NRXN1: variants seen among roughly 807,000 people sequenced by gnomAD.
NRXN1 encodes the protein neurexin 1, also known as neurexin-1.
NRXN1 carries 39 observed loss-of-function variants against 150.9 expected under a neutral mutation model. The ratio of observed to expected loss-of-function variants is 0.26; its 90% CI spans 0.20 to 0.34. The LOEUF (loss-of-function observed/expected upper bound fraction) is 0.34, where lower values mean the gene tolerates loss of function less well. Among genes scored for constraint, NRXN1 ranks in the 10% least tolerant of loss-of-function variants. The pLI, the probability that NRXN1 is intolerant of heterozygous loss-of-function variation, is 1.00. For missense variants in NRXN1, 1,815 were observed against 1,949.9 expected (o/e 0.93, Z 1.30); for synonymous variants, 924 against 757.0 (o/e 1.22, Z -3.62).
In NRXN1 at chr2:50,299,646, T is replaced by A. The variant is rs556284736; in HGVS notation, c.3365-62676A>T. On this transcript the variant is annotated intron_variant, in intron 17 of 22. Coordinates refer to ENST00000401669, the MANE Select transcript of NRXN1 (RefSeq NM_001330078.2). ...GTATAAATATCAAGCCCTTGTTTTG[T>A]CTGAACTTTTTATTATTCAAATTGT... is the stretch of plus-strand genomic sequence containing the variant. 1.1e-3 allele frequency among the ~76,000 whole-genome samples: 171 copies of A among 152,314 alleles called. 1 individual carries two copies. The highest frequency in any genetic ancestry group is 2.1e-3 in the Non-Finnish European group (141 of 68,018).
At chr2:50,524,561 C>A (rs535193280) in intron 12 of NRXN1, among the ~76,000 whole-genome samples, 3 of 151,522 alleles carry the variant, frequency 2.0e-5, no homozygotes, top group African/African-American at 7.3e-5. Flanking sequence ...TTCCAGTGAA[C>A]AAGAAGGTCA....
intron 5 of NRXN1, among the ~76,000 whole-genome samples, chr2:50,673,884 C>T (rs1419762967): frequency 1.3e-5 from 2 of 152,038 alleles, no homozygotes; most frequent in Non-Finnish European, 2.9e-5. Flanking sequence ...ACTTCATGTC[C>T]TTTGCAGGGA....
At chr2:50,925,265 C>T (rs1384847114) in intron 3 of NRXN1, among the ~76,000 whole-genome samples, 1 of 151,676 alleles carries the variant, frequency 6.6e-6, no homozygotes, top group Admixed American at 6.6e-5. Context: ...TTGCTGGATT[C>T]TACAGGAAAA....
chr2:50,775,323 T>A (rs1277275720), intron 5 of NRXN1, among the ~76,000 whole-genome samples: 1 of 152,108 alleles, frequency 6.6e-6, no homozygotes, highest in Non-Finnish European at 1.5e-5. Flanking sequence ...CAACACTGTA[T>A]TTTCCTTGCT....
chr2:50,512,199 G>T (rs188449181), intron 12 of NRXN1, among the ~76,000 whole-genome samples: 1 of 152,120 alleles, frequency 6.6e-6, no homozygotes, highest in African/African-American at 2.4e-5. Flanking sequence ...AATGGTGCAA[G>T]CTTTTTATTT....
At chr2:49,942,798 C>T (rs754653036) in intron 22 of NRXN1, among the ~76,000 whole-genome samples, 12 of 152,020 alleles carry the variant, frequency 7.9e-5, no homozygotes, top group Non-Finnish European at 2.9e-5. Context: ...TTGGCAGGGA[C>T]AGGGTTTTGG....
chr2:50,175,839 T>C (rs2152805554), intron 18 of NRXN1, among the ~76,000 whole-genome samples: 1 of 152,282 alleles, frequency 6.6e-6, no homozygotes, highest in African/African-American at 2.4e-5. Context: ...TCCTTTCACT[T>C]TACTTCTGAT....
chr2:50,086,924 T>A (rs1698870757), intron 19 of NRXN1, among the ~76,000 whole-genome samples: 1 of 152,150 alleles, frequency 6.6e-6, no homozygotes, highest in African/African-American at 2.4e-5. Context: ...TTTGCATTCA[T>A]CTTGTTTATT....
At position 50,845,023 on chromosome 2, in the gene NRXN1, T is replaced by C. The variant is rs79831372; in HGVS notation, c.832+76846A>G. ...TGCACATCATCTCACCTAGCTAATT[T>C]TCAAAAATTCTTTTGTGTAGATAGG... On this transcript the variant is annotated intron_variant, in intron 5 of 22. Transcript: ENST00000401669. Among the ~76,000 whole-genome samples, 44 of 152,198 alleles carry C rather than the reference T, an allele frequency of 2.9e-4. No individual in the cohort carries two copies. In the East Asian group the frequency reaches 8.5e-3, roughly 29 times the overall value.
chr2:49,971,474 G>C (rs546929946), intron 21 of NRXN1, among the ~76,000 whole-genome samples: 20 of 152,240 alleles, frequency 1.3e-4, no homozygotes, highest in Non-Finnish European at 2.1e-4. Context: ...AACAGTTCAG[G>C]ACTCTTGTAG....
chr2:50,694,669 A>C lies in NRXN1; in HGVS notation c.833-71054T>G, dbSNP rs1692560744. 3.3e-5 allele frequency among the ~76,000 whole-genome samples: 5 copies of C among 152,190 alleles called. No homozygotes were observed. The South Asian group carries it at 1.0e-3, about 31-fold the overall frequency. On this transcript the variant is annotated intron_variant, in intron 5 of 22. Coordinates refer to ENST00000401669, the MANE Select transcript of NRXN1 (RefSeq NM_001330078.2). The stretch of plus-strand genomic sequence containing the variant: ...AAAAGAAAATCAAACCAATTCTACC[A>C]AAGAACAAATCAATTGATTTGATTA...
At chr2:50,935,776 A>C (rs1399839763) in intron 2 of NRXN1, among the ~76,000 whole-genome samples, 5 of 152,118 alleles carry the variant, frequency 3.3e-5, no homozygotes, top group Non-Finnish European at 7.4e-5. Context: ...AAAAGAAAAA[A>C]AAAAGTGGCA....
intron 21 of NRXN1, among the ~76,000 whole-genome samples, chr2:49,961,326 A>G (rs1008186446): frequency 5.9e-5 from 9 of 151,906 alleles, no homozygotes; most frequent in African/African-American, 2.2e-4. Context: ...GCATGCACAC[A>G]CACACACACA....
At chr2:50,739,183 G>A in intron 5 of NRXN1, 1 of 397,966 alleles carries the variant, frequency 2.5e-6, no homozygotes, top group Non-Finnish European at 5.2e-6. Context: ...AAATCCTTAT[G>A]ATTATGGATT....
intron 2 of NRXN1, among the ~76,000 whole-genome samples, chr2:51,013,872 G>A (rs1668271269): frequency 6.6e-6 from 1 of 151,930 alleles, no homozygotes. Flanking sequence ...GTTTTCCTTA[G>A]TCCAAATTCT....
chr2:50,601,752 G>A (rs1027168592), intron 8 of NRXN1, among the ~76,000 whole-genome samples: 5 of 152,134 alleles, frequency 3.3e-5, no homozygotes, highest in Admixed American at 6.6e-5. Flanking sequence ...TTCAGTGTTT[G>A]CCATGTATGC....
rs201966126 is a variant in NRXN1, at chr2:51,027,780, G to A, written c.494C>T (p.Ala165Val). 1.9e-6 allele frequency: 3 copies of A among 1,612,642 alleles called. No homozygotes were observed. The highest frequency in any genetic ancestry group is 2.5e-6 in the Non-Finnish European group (3 of 1,179,416). Reference protein sequence around the residue: ...VGGLPPELRAAALKLTLASVR... With the variant: ...VGGLPPELRAVALKLTLASVR... The stretch of plus-strand genomic sequence containing the variant: ...CGAGGCCAGGGTGAGCTTGAGCGCC[G>A]CGGCGCGCAGTTCCGGGGGCAGCCC... Residue 165 changes from alanine (A) to valine (V), a missense_variant, in exon 2 of 23, where the codon GCG (alanine) becomes GTG (valine). By Grantham distance (64) the Ala-to-Val change is moderately conservative (BLOSUM62 0). Coordinates refer to ENST00000401669, the MANE Select transcript of NRXN1 (RefSeq NM_001330078.2).
intron 17 of NRXN1, among the ~76,000 whole-genome samples, chr2:50,282,954 T>G (rs575309433): frequency 3.3e-5 from 5 of 152,172 alleles, no homozygotes; most frequent in African/African-American, 7.2e-5. Flanking sequence ...TAGATCTCTT[T>G]TACCATGGAT....
intron 5 of NRXN1, among the ~76,000 whole-genome samples, chr2:50,831,314 T>C (rs1315282453): frequency 2.0e-5 from 3 of 152,208 alleles, no homozygotes; most frequent in Non-Finnish European, 4.4e-5. Context: ...AATTATTTCA[T>C]TACATAAAGA....
Sources: allele counts gnomAD v4.1 joint callset (sites outside exome capture counted in the v4.1 genomes callset), GRCh38; gene constraint gnomAD v4.1.1; transcripts MANE v1.5; gene names NCBI Gene and HGNC (gene_info 2026-07-23, HGNC 2026-07-21).